Variants in CCSER1 observed in about 807,000 individuals in gnomAD.
The protein encoded by CCSER1 is serine-rich coiled-coil domain-containing protein 1.
Under a neutral mutation model 82.0 loss-of-function variants are expected in CCSER1, and 41 were observed. The observed-to-expected ratio is 0.50, with a 90% CI of 0.39 to 0.65. The LOEUF is 0.65. Ranked by LOEUF, CCSER1 falls within the 30% of genes least tolerant of loss-of-function variation. The pLI is 0.00. For synonymous variants in CCSER1, 414 were observed against 383.9 expected (o/e 1.08, Z -0.92); for missense variants, 1,119 against 1,064.2 (o/e 1.05, Z -0.72).
Position 91,057,854 on chromosome 4 carries a change from TTC to T in CCSER1, c.2173-28094_2173-28093del, listed in dbSNP as rs527900215. ...TCCTTTTTTCCAACTCCTCAAACAGTTCTGTGTGCATAATTTAGCAAGTAAAT... is the reference window on the plus strand; with the variant it reads ...TCCTTTTTTCCAACTCCTCAAACAGTTGTGTGCATAATTTAGCAAGTAAAT... On this transcript the variant is annotated intron_variant, in intron 9 of 10. Transcript: ENST00000509176. 7.9e-5 allele frequency among the ~76,000 whole-genome samples: 12 copies of T among 152,288 alleles called. No homozygotes were observed. The South Asian group carries it at 2.3e-3, about 29-fold the overall frequency.
chr4:91,309,003 C>T (rs757457212), intron 10 of CCSER1, among the ~76,000 whole-genome samples: 19 of 152,030 alleles, frequency 1.2e-4, no homozygotes, highest in Admixed American at 2.0e-4. Flanking sequence ...GGAAAGTGAG[C>T]TGCCTACCTT....
chr4:91,475,392 G>A (rs113498254), intron 10 of CCSER1, among the ~76,000 whole-genome samples: 1,595 of 151,842 alleles, frequency 0.011, 12 homozygotes, highest in Middle Eastern at 0.02. Context: ...GTACGAAGGC[G>A]CACATTTAAT....
intron 10 of CCSER1, among the ~76,000 whole-genome samples, chr4:91,454,470 G>A (rs1327895750): frequency 4.6e-5 from 7 of 151,896 alleles, no homozygotes; most frequent in Admixed American, 4.6e-4. Flanking sequence ...ATTACATTTA[G>A]GACCCACCTG....
intron 10 of CCSER1, among the ~76,000 whole-genome samples, chr4:91,313,417 A>G (rs1213701446): frequency 6.6e-6 from 1 of 151,758 alleles, no homozygotes; most frequent in Admixed American, 6.6e-5. Context: ...CTGATCCACT[A>G]CTAAATTTGA....
intron 6 of CCSER1, among the ~76,000 whole-genome samples, chr4:90,674,032 G>C (rs1478025736): frequency 5.3e-5 from 8 of 151,848 alleles, no homozygotes; most frequent in Admixed American, 5.3e-4. Context: ...TCTTGATGTT[G>C]ACATTTCAAG....
intron 10 of CCSER1, among the ~76,000 whole-genome samples, chr4:91,199,681 A>C (rs28654721): frequency 6.6e-6 from 1 of 152,044 alleles, no homozygotes; most frequent in South Asian, 2.1e-4. Flanking sequence ...GAGAATCATT[A>C]ATATGGATTA....
At chr4:90,309,827 A>AT (rs958426373) in intron 2 of CCSER1, among the ~76,000 whole-genome samples, 1 of 151,944 alleles carries the variant, frequency 6.6e-6, no homozygotes, top group Non-Finnish European at 1.5e-5. Context: ...AATATTACTC[A>AT]TTTTTTCTCA....
At chr4:91,012,664 T>TACACTGCTACAATAGAAC (rs1739093043) in intron 9 of CCSER1, among the ~76,000 whole-genome samples, 1 of 132,336 alleles carries the variant, frequency 7.6e-6, no homozygotes, top group Non-Finnish European at 1.8e-5. Context: ...ACAAAGGCCA[T>TACACTGCTACAATAGAAC]ACACTGCTAC....
intron 3 of CCSER1, among the ~76,000 whole-genome samples, chr4:90,344,981 A>C (rs1742077726): frequency 6.6e-6 from 1 of 152,146 alleles, no homozygotes; most frequent in South Asian, 2.1e-4. Flanking sequence ...AACTTCAGCC[A>C]GACAGTCCTT....
At chr4:91,076,803 G>A (rs1294204594) in intron 9 of CCSER1, among the ~76,000 whole-genome samples, 4 of 152,220 alleles carry the variant, frequency 2.6e-5, no homozygotes, top group African/African-American at 7.2e-5. Context: ...ATTTCTGACT[G>A]GAGGCAATTT....
At chr4:90,789,011 C>G (rs1375272932) in intron 7 of CCSER1, among the ~76,000 whole-genome samples, 3 of 150,732 alleles carry the variant, frequency 2.0e-5, no homozygotes, top group African/African-American at 7.3e-5. Flanking sequence ...AACACATACA[C>G]ACACACACAC....
chr4:90,426,399 T>A (rs2153563929), intron 4 of CCSER1, among the ~76,000 whole-genome samples: 1 of 152,274 alleles, frequency 6.6e-6, no homozygotes, highest in East Asian at 1.9e-4. Flanking sequence ...GAGATATTTC[T>A]GTGGGCCGCA....
intron 10 of CCSER1, among the ~76,000 whole-genome samples, chr4:91,525,665 T>G (rs1452873060): frequency 6.6e-6 from 1 of 152,106 alleles, no homozygotes; most frequent in African/African-American, 2.4e-5. Context: ...GTCATTAGTG[T>G]CAGACCTTCA....
At chr4:91,225,687 C>T (rs1738143808) in intron 10 of CCSER1, among the ~76,000 whole-genome samples, 1 of 151,804 alleles carries the variant, frequency 6.6e-6, no homozygotes, top group Admixed American at 6.6e-5. Flanking sequence ...GTTTTGTTGC[C>T]ATAACCTTAA....
intron 1 of CCSER1, among the ~76,000 whole-genome samples, chr4:90,303,572 T>C (rs1733602768): frequency 6.6e-6 from 1 of 151,914 alleles, no homozygotes; most frequent in Non-Finnish European, 1.5e-5. Flanking sequence ...ATTTAATAAA[T>C]GGTGCTGGGA....
chr4:90,912,178 C>G (rs1454432046), intron 8 of CCSER1, among the ~76,000 whole-genome samples: 1 of 152,216 alleles, frequency 6.6e-6, no homozygotes, highest in Non-Finnish European at 1.5e-5. Flanking sequence ...GACAGACTGC[C>G]TCCCCAAGTG....
At chr4:91,154,867 A>G (rs1730649305) in intron 10 of CCSER1, among the ~76,000 whole-genome samples, 2 of 151,926 alleles carry the variant, frequency 1.3e-5, no homozygotes, top group Admixed American at 1.3e-4. Context: ...TACATGTACT[A>G]TATTAAGGCA....
At chr4:90,342,385 C>T (rs966184843) in intron 3 of CCSER1, among the ~76,000 whole-genome samples, 1 of 152,160 alleles carries the variant, frequency 6.6e-6, no homozygotes, top group Admixed American at 6.5e-5. Context: ...CCATAGCTCA[C>T]TGTTAAGTCT....
intron 7 of CCSER1, among the ~76,000 whole-genome samples, chr4:90,745,409 T>C (rs1007221215): frequency 1.3e-5 from 2 of 152,208 alleles, no homozygotes; most frequent in Admixed American, 6.5e-5. Context: ...GTCACCTTAA[T>C]TTCATCTGAT....
Sources: gnomAD v4.1 joint callset for allele counts (sites outside exome capture counted in the v4.1 genomes callset) on GRCh38, gnomAD v4.1.1 for gene constraint, MANE v1.5 for transcripts, NCBI Gene and HGNC (gene_info 2026-07-23, HGNC 2026-07-21) for gene names.